Variants in EPB41L4B observed in about 807,000 individuals in gnomAD.
EPB41L4B encodes band 4.1-like protein 4B.
In EPB41L4B, 30 loss-of-function variants were observed where a neutral mutation model predicts 112.5. The observed-to-expected ratio is 0.27, with a 90% CI of 0.20 to 0.36. EPB41L4B has a LOEUF of 0.36. EPB41L4B is among the 10% of genes least tolerant of loss of function. EPB41L4B has a pLI of 1.00. For synonymous variants in EPB41L4B, 408 were observed against 439.7 expected, an observed-to-expected ratio of 0.93 and a Z score of 0.90; for missense variants, 1,024 against 1,133.3, an observed-to-expected ratio of 0.90 and a Z score of 1.38.
At chr9:109,228,496 T>C (rs1286340986) in intron 15 of EPB41L4B, among the ~76,000 whole-genome samples, 1 of 152,270 alleles carries the variant, frequency 6.6e-6, no homozygotes, top group African/African-American at 2.4e-5. Flanking sequence ...ACCATTTTTC[T>C]GAGCCTAAAG....
intron 1 of EPB41L4B, among the ~76,000 whole-genome samples, chr9:109,310,427 G>A (rs189281524): frequency 4.9e-4 from 74 of 152,274 alleles, no homozygotes; most frequent in African/African-American, 1.4e-3. Context: ...TCCTAAGCTC[G>A]GTGGTGGGCA....
chr9:109,294,982 T>C (rs989227245), intron 1 of EPB41L4B, among the ~76,000 whole-genome samples: 1 of 152,158 alleles, frequency 6.6e-6, no homozygotes, highest in South Asian at 2.1e-4. Context: ...GAGTCTGACA[T>C]CCACGGTGAC....
rs954650555 is a variant in EPB41L4B at position 109,268,374 on chromosome 9, A to G, written c.454+17T>C. The G allele has an allele frequency of 5.0e-6, 8 of 1,610,028 alleles. No homozygotes were observed. The highest frequency in any genetic ancestry group is 6.8e-6 in the Non-Finnish European group (8 of 1,178,292). On this transcript the variant is annotated intron_variant, in intron 3 of 25. Transcript: ENST00000374566. ...CAGAAAAAAAATAAATGAGTGAGCT[A>G]AATTCTGCTTACTTACTTTTCATCT...
chr9:109,182,973 G>A (rs1160565620), intron 23 of EPB41L4B, among the ~76,000 whole-genome samples, 176 bp from the exon 24 acceptor site: 1 of 152,122 alleles, frequency 6.6e-6, no homozygotes, highest in East Asian at 1.9e-4. Flanking sequence ...GCTGGTGGTT[G>A]TATCTGTGCC....
Position 109,320,031 on chromosome 9 carries a change from G to C in EPB41L4B, c.306+110C>G, listed in dbSNP as rs1421807585. The C allele has an allele frequency of 3.5e-5, 30 of 856,140 alleles. 1 individual carries two copies. Among genetic ancestry groups the C allele is most frequent in the Non-Finnish European group, 4.2e-5 (27 of 637,428 alleles). The allele number at this position is 856,140 out of a possible 1,614,324, so 53.0% of individuals were successfully genotyped here. ...TGCTCGGAGAAGAGGATGGGGGAGGGGATCCCCAGGGAGGTGCAAGGGAAG... is the reference window on the plus strand; with the variant it reads ...TGCTCGGAGAAGAGGATGGGGGAGGCGATCCCCAGGGAGGTGCAAGGGAAG... On this transcript the variant is annotated intron_variant, in intron 1 of 25. Coordinates refer to ENST00000374566, the MANE Select transcript of EPB41L4B (RefSeq NM_019114.5).
intron 25 of EPB41L4B, among the ~76,000 whole-genome samples, chr9:109,175,143 C>T (rs781173706): frequency 1.1e-4 from 16 of 151,938 alleles, no homozygotes; most frequent in Non-Finnish European, 2.2e-4. Context: ...TCTCGAACTC[C>T]TGAGCTCAGG....
chr9:109,243,595 G>C (rs1375299470), intron 15 of EPB41L4B, 23 bp downstream of exon 15: 1 of 1,612,552 alleles, frequency 6.2e-7, no homozygotes, highest in East Asian at 2.2e-5. Context: ...CGAAGGTGCA[G>C]CTCTGGAAGC....
chr9:109,216,647 CAAA>C (rs10568620), intron 16 of EPB41L4B, among the ~76,000 whole-genome samples: 89 of 132,574 alleles, frequency 6.7e-4, no homozygotes, highest in Admixed American at 7.7e-4. Context: ...GACTCCATCT[CAAA>C]AAAAAAAAAA....
chr9:109,231,413 T>C (rs1833948528), intron 15 of EPB41L4B, among the ~76,000 whole-genome samples: 1 of 152,216 alleles, frequency 6.6e-6, no homozygotes, highest in Non-Finnish European at 1.5e-5. Context: ...CACAGAAACA[T>C]AGCAGAACTT....
intron 1 of EPB41L4B, among the ~76,000 whole-genome samples, chr9:109,297,067 T>C (rs968788232): frequency 2.4e-4 from 36 of 151,938 alleles, no homozygotes; most frequent in African/African-American, 8.5e-4. Context: ...GTTGTTAGAA[T>C]GACCCTAATC....
intron 17 of EPB41L4B, among the ~76,000 whole-genome samples, chr9:109,213,008 G>A (rs1833238132): frequency 6.6e-6 from 1 of 152,210 alleles, no homozygotes; most frequent in African/African-American, 2.4e-5. Flanking sequence ...TGGATCGAGA[G>A]TCAAGGGCTT....
At chr9:109,294,947 T>C (rs565788463) in intron 1 of EPB41L4B, among the ~76,000 whole-genome samples, 6 of 152,268 alleles carry the variant, frequency 3.9e-5, no homozygotes, top group African/African-American at 1.2e-4. Context: ...AGCCCTGACT[T>C]GGAGACTCCA....
intron 15 of EPB41L4B, among the ~76,000 whole-genome samples, chr9:109,224,847 A>T (rs1247133647): frequency 6.6e-6 from 1 of 152,110 alleles, no homozygotes; most frequent in Non-Finnish European, 1.5e-5. Context: ...CATTTTGCAC[A>T]TGGGGGGATG....
At chr9:109,242,303 A>T (rs1234499229) in intron 15 of EPB41L4B, among the ~76,000 whole-genome samples, 2 of 152,194 alleles carry the variant, frequency 1.3e-5, no homozygotes, top group Non-Finnish European at 2.9e-5. Context: ...ATTTGCATTA[A>T]ACAAGCTTCC....
intron 1 of EPB41L4B, among the ~76,000 whole-genome samples, chr9:109,298,495 G>T (rs1486604153): frequency 6.6e-6 from 1 of 152,026 alleles, no homozygotes; most frequent in African/African-American, 2.4e-5. Context: ...TGTATTTTTA[G>T]TAGAGACAGG....
chr9:109,249,072 A>ATATAT (rs1554754151), intron 13 of EPB41L4B, among the ~76,000 whole-genome samples: 2 of 130,924 alleles, frequency 1.5e-5, no homozygotes, highest in African/African-American at 5.7e-5. Context: ...AAAAAAAAAA[A>ATATAT]ATATATATAT....
rs1329573693 is a variant in EPB41L4B at position 109,242,395 on chromosome 9, C to A, written c.1409+1223G>T. Among the ~76,000 whole-genome samples, 6 of 152,168 alleles carry A rather than the reference C, an allele frequency of 3.9e-5. No individual in the cohort carries two copies. In the South Asian group the frequency reaches 8.3e-4, roughly 21 times the overall value. ...TTTCCTCAGAAGGCCTGCTTCTAGGCCATGCCTCAGAAGGAAACTAACATG... is the reference window on the plus strand; with the variant it reads ...TTTCCTCAGAAGGCCTGCTTCTAGGACATGCCTCAGAAGGAAACTAACATG... On this transcript the variant is annotated intron_variant, in intron 15 of 25. Coordinates refer to ENST00000374566, the MANE Select transcript of EPB41L4B (RefSeq NM_019114.5).
At position 109,216,151 on chromosome 9, in the gene EPB41L4B, C is replaced by T. The variant is rs574963851; in HGVS notation, c.1633+771G>A. On this transcript the variant is annotated intron_variant, in intron 16 of 25. Transcript: ENST00000374566. ...AGTCCAGCCATCACTCCCCTCCCCT[C>T]TTTCTCTTTTCCATTGCTCAAGCCA... Among the ~76,000 whole-genome samples, 552 of 152,326 alleles carry T rather than the reference C, an allele frequency of 3.6e-3. 5 individuals are homozygous for T. The highest frequency in any genetic ancestry group is 6.5e-3 in the Non-Finnish European group (444 of 68,026).
rs1832877562 is a variant in EPB41L4B at position 109,202,759 on chromosome 9, CA to C, written c.1946+903del. ...ATGATGAGAAATTACTTAATGGGCA[CA>C]ATGTACATTATTTGAGTGATGGATA... On this transcript the variant is annotated intron_variant, in intron 19 of 25. Transcript: ENST00000374566. 1.3e-5 allele frequency among the ~76,000 whole-genome samples: 2 copies of C among 152,138 alleles called. 1 individual carries two copies. The highest frequency in any genetic ancestry group is 3.8e-4 in the East Asian group (2 of 5,198).
Sources: allele counts gnomAD v4.1 joint callset (sites outside exome capture counted in the v4.1 genomes callset), GRCh38; gene constraint gnomAD v4.1.1; transcripts MANE v1.5; gene names NCBI Gene and HGNC (gene_info 2026-07-23, HGNC 2026-07-21).